Variants in MYRIP observed in about 807,000 individuals in gnomAD.
MYRIP encodes rab effector MyRIP.
A neutral mutation model predicts 98.0 loss-of-function variants in MYRIP; 49 were observed. That is an observed-to-expected ratio of 0.50 (90% CI 0.40 to 0.63). MYRIP has a LOEUF of 0.63. MYRIP is among the 30% of genes least tolerant of loss of function. The pLI, the probability that MYRIP is intolerant of heterozygous loss-of-function variation, is 0.00. For synonymous variants in MYRIP, 404 were observed against 409.5 expected, an observed-to-expected ratio of 0.99 and a Z score of 0.16; for missense variants, 1,004 against 1,058.2, an observed-to-expected ratio of 0.95 and a Z score of 0.71.
intron 13 of MYRIP, among the ~76,000 whole-genome samples, chr3:40,248,631 C>T (rs1177116663): frequency 6.6e-6 from 1 of 152,184 alleles, no homozygotes; most frequent in Non-Finnish European, 1.5e-5. Flanking sequence ...AGGTCAGCAG[C>T]TTGCTTTCCC....
intron 3 of MYRIP, among the ~76,000 whole-genome samples, chr3:40,148,671 T>C (rs1392505247): frequency 1.3e-5 from 2 of 152,246 alleles, no homozygotes; most frequent in African/African-American, 4.8e-5. Context: ...TAATTAGAGT[T>C]TAAATTACTT....
intron 2 of MYRIP, among the ~76,000 whole-genome samples, chr3:39,950,791 T>G (rs1036853847): frequency 5.9e-5 from 9 of 152,202 alleles, no homozygotes; most frequent in African/African-American, 2.2e-4. Context: ...CTATATTATA[T>G]GCTATTTGTC....
chr3:39,913,583 A>T (rs1399668669), intron 2 of MYRIP, among the ~76,000 whole-genome samples: 2 of 152,228 alleles, frequency 1.3e-5, no homozygotes, highest in Non-Finnish European at 2.9e-5. Flanking sequence ...GAACCCCTGA[A>T]ATGGACTAAG....
At chr3:39,827,277 T>C (rs957594030) in intron 1 of MYRIP, among the ~76,000 whole-genome samples, 2 of 152,120 alleles carry the variant, frequency 1.3e-5, no homozygotes, top group Admixed American at 1.3e-4. Context: ...CATGCCCAGC[T>C]TTTTAAAAAT....
chr3:39,993,680 A>G (rs375529797), intron 2 of MYRIP, among the ~76,000 whole-genome samples: 2 of 152,290 alleles, frequency 1.3e-5, no homozygotes, highest in African/African-American at 4.8e-5. Flanking sequence ...AAGCATTCGG[A>G]GACAAACTGC....
chr3:39,829,297 A>G (rs747745034), intron 1 of MYRIP, among the ~76,000 whole-genome samples: 1 of 152,022 alleles, frequency 6.6e-6, no homozygotes, highest in Non-Finnish European at 1.5e-5. Context: ...TTGCATTTTT[A>G]TGTTTGATGT....
chr3:40,160,866 C>T (rs1382999823), intron 4 of MYRIP, among the ~76,000 whole-genome samples: 1 of 152,186 alleles, frequency 6.6e-6, no homozygotes, highest in Non-Finnish European at 1.5e-5. Flanking sequence ...TCGGTTCGCA[C>T]ACGGTGCGCA....
chr3:40,028,361 C>T (rs982941422), intron 2 of MYRIP, among the ~76,000 whole-genome samples: 1 of 152,136 alleles, frequency 6.6e-6, no homozygotes, highest in Non-Finnish European at 1.5e-5. Context: ...ACACTTCACA[C>T]CCCCTGTTAC....
rs1429906305 is a variant in MYRIP at position 39,816,371 on chromosome 3, C to T, written c.-31+6455C>T. 3.9e-5 allele frequency among the ~76,000 whole-genome samples: 6 copies of T among 152,196 alleles called. No homozygotes were observed. In the East Asian group the frequency reaches 7.7e-4, roughly 20 times the overall value. On this transcript the variant is annotated intron_variant, in intron 1 of 16. Coordinates refer to ENST00000302541, the MANE Select transcript of MYRIP (RefSeq NM_015460.4). ...TGCTGGGATTACAGGCGTGAGCCAC[C>T]GCACCAGCCTGAATTTGCCTTTTCA... is the stretch of plus-strand genomic sequence containing the variant.
At chr3:39,864,651 T>C (rs1048138322) in intron 1 of MYRIP, among the ~76,000 whole-genome samples, 15 of 151,954 alleles carry the variant, frequency 9.9e-5, no homozygotes, top group Non-Finnish European at 1.8e-4. Flanking sequence ...AAATCTGTCA[T>C]GACACAAACA....
rs113280943 is a variant in MYRIP, at chr3:39,868,863, T to C, written c.-30-31924T>C. On this transcript the variant is annotated intron_variant, in intron 1 of 16. Coordinates refer to ENST00000302541, the MANE Select transcript of MYRIP (RefSeq NM_015460.4). The stretch of plus-strand genomic sequence containing the variant: ...CTTTTTCTTTCATTTTCTTTGAATA[T>C]GTCAACTCACTACCTTCTGTCCTCC... Among the ~76,000 whole-genome samples the C allele has an allele frequency of 7.2e-5, 11 of 152,364 alleles. 1 individual carries two copies. The highest frequency in any genetic ancestry group is 2.4e-4 in the African/African-American group (10 of 41,588).
chr3:40,146,901 C>T (rs1950022633), intron 3 of MYRIP, among the ~76,000 whole-genome samples: 1 of 152,172 alleles, frequency 6.6e-6, no homozygotes, highest in Non-Finnish European at 1.5e-5. Context: ...AGTAGTAGAA[C>T]TTTGGGTAGT....
chr3:39,914,171 G>T (rs901465706), intron 2 of MYRIP, among the ~76,000 whole-genome samples: 2 of 152,054 alleles, frequency 1.3e-5, no homozygotes, highest in African/African-American at 4.8e-5. Context: ...GGAACTTATC[G>T]CACAGGTTAC....
At chr3:40,017,341 AG>A (rs897787801) in intron 2 of MYRIP, among the ~76,000 whole-genome samples, 4 of 152,208 alleles carry the variant, frequency 2.6e-5, no homozygotes, top group African/African-American at 7.2e-5. Flanking sequence ...AATGCTGGAT[AG>A]AGATAGAAAC....
At position 40,192,354 on chromosome 3, in the gene MYRIP, T is replaced by TATGTCATATA. The variant is rs1437789781; in HGVS notation, c.1665+1891_1665+1892insATGTCATATA. On this transcript the variant is annotated intron_variant, in intron 10 of 16. Coordinates refer to ENST00000302541, the MANE Select transcript of MYRIP (RefSeq NM_015460.4). Reference sequence around the variant, plus strand: ...ATATATATATATGTCATATATATATTTATATTTATTTAAGTTATTTACTTT... The same window carrying TATGTCATATA: ...ATATATATATATGTCATATATATATTATGTCATATATATATTTATTTAAGTTATTTACTTT... 6.4e-3 allele frequency among the ~76,000 whole-genome samples: 223 copies of TATGTCATATA among 34,794 alleles called. 10 individuals carry two copies. In the East Asian group the frequency reaches 0.077, roughly 12 times the overall value. The allele number at this position is 34,794 out of a possible 152,430, so 22.8% of individuals were successfully genotyped here.
At chr3:40,179,012 A>T (rs1950829233) in intron 8 of MYRIP, among the ~76,000 whole-genome samples, 1 of 152,168 alleles carries the variant, frequency 6.6e-6, no homozygotes, top group Admixed American at 6.5e-5. Context: ...AATAAGTAAG[A>T]CAAGCAGAGT....
chr3:40,098,038 T>C (rs1272591861), intron 3 of MYRIP, among the ~76,000 whole-genome samples: 1 of 152,200 alleles, frequency 6.6e-6, no homozygotes, highest in Non-Finnish European at 1.5e-5. Context: ...ATCAGAGTTA[T>C]TAGCACTTTC....
intron 3 of MYRIP, among the ~76,000 whole-genome samples, chr3:40,134,586 T>A (rs987808565): frequency 6.6e-6 from 1 of 152,234 alleles, no homozygotes; most frequent in Non-Finnish European, 1.5e-5. Context: ...GACTGCCTCC[T>A]CAAGTGGGTC....
intron 11 of MYRIP, among the ~76,000 whole-genome samples, chr3:40,215,644 C>T (rs139682483): frequency 8.5e-5 from 13 of 152,244 alleles, no homozygotes; most frequent in African/African-American, 2.6e-4. Context: ...AATCAAGTAT[C>T]GTTGTCTATA....
Sources: gnomAD v4.1 joint callset for allele counts (sites outside exome capture counted in the v4.1 genomes callset) on GRCh38, gnomAD v4.1.1 for gene constraint, MANE v1.5 for transcripts, NCBI Gene and HGNC (gene_info 2026-07-23, HGNC 2026-07-21) for gene names.